Variants in PDIA6 observed in about 807,000 individuals in gnomAD.
PDIA6 encodes the protein protein disulfide-isomerase A6.
Under a neutral mutation model 58.4 loss-of-function variants are expected in PDIA6, and 29 were observed. The observed-to-expected ratio is 0.50, with a 90% CI of 0.37 to 0.68. The LOEUF (loss-of-function observed/expected upper bound fraction) is 0.68. Among genes scored for constraint, PDIA6 ranks in the 30% least tolerant of loss-of-function variants. The probability of loss-of-function intolerance (pLI) is 0.00; values close to 1 mark genes in which losing one functional copy is unlikely to be tolerated. For missense variants in PDIA6, 480 were observed against 551.0 expected (o/e 0.87, Z 1.29); for synonymous variants, 192 against 202.6 (o/e 0.95, Z 0.44).
At chr2:10,793,280 C>T (rs1666120373) in intron 4 of PDIA6, 78 bp from the exon 5 acceptor site, 4 of 894,926 alleles carry the variant, frequency 4.5e-6, no homozygotes, top group South Asian at 2.7e-5. Flanking sequence ...AAGACTGTGT[C>T]TTTACCTCAC....
At chr2:10,787,494 C>A in intron 10 of PDIA6, 55 bp from the exon 11 acceptor site, 2 of 1,505,226 alleles carry the variant, frequency 1.3e-6, no homozygotes, top group Non-Finnish European at 1.8e-6. Context: ...TGCTTACGAT[C>A]TAACTAGAAG....
intron 1 of PDIA6, among the ~76,000 whole-genome samples, chr2:10,829,014 A>G (rs1230924496): frequency 3.3e-5 from 5 of 152,152 alleles, no homozygotes; most frequent in African/African-American, 9.7e-5. Context: ...TCAGTGACCC[A>G]GGTCACCCTC....
At position 10,788,723 on chromosome 2, in the gene PDIA6, T is replaced by C. The variant is rs1310235886; in HGVS notation, c.972A>G (p.Ala324=). The change falls in exon 10 of 13, where the codon GCA becomes GCG. Residue 324 remains alanine (A), a synonymous_variant. Transcript: ENST00000272227. ...CCCACATTTTCTTTTTGTATTTGTC[T>C]GCCAACTTCAGAAGAACTTCCAGAT... ...NSYLEVLLKL[A]DKYKKKMWGW... 6.2e-7 allele frequency: 1 copy of C among 1,613,498 alleles called. No individual in the cohort carries two copies. Among genetic ancestry groups the C allele is most frequent in the African/African-American group, 1.3e-5 (1 of 75,060 alleles).
chr2:10,805,261 A>G (rs1371441255), intron 1 of PDIA6, among the ~76,000 whole-genome samples: 3 of 135,948 alleles, frequency 2.2e-5, no homozygotes, highest in Non-Finnish European at 4.8e-5. Context: ...ACATGAACAG[A>G]CACTTCTCAA....
intron 11 of PDIA6, among the ~76,000 whole-genome samples, chr2:10,786,993 T>C (rs1665794696): frequency 6.6e-6 from 1 of 152,072 alleles, no homozygotes; most frequent in African/African-American, 2.4e-5. Context: ...ATGAGACCTT[T>C]ATGAGAATGA....
intron 1 of PDIA6, among the ~76,000 whole-genome samples, chr2:10,825,977 T>C (rs1335742873): frequency 1.3e-5 from 2 of 152,210 alleles, no homozygotes; most frequent in Non-Finnish European, 2.9e-5. Flanking sequence ...CCTAGGCATC[T>C]ACCCAAGAAA....
At chr2:10,833,852 G>A (rs536968994), upstream of PDIA6, among the ~76,000 whole-genome samples, 2 of 152,330 alleles carry the variant, frequency 1.3e-5, no homozygotes, top group Non-Finnish European at 2.9e-5. Flanking sequence ...CTTGGAGCTC[G>A]AGGTGCCAAG....
chr2:10,792,235 T>G (rs1053525168), intron 5 of PDIA6, among the ~76,000 whole-genome samples: 1 of 152,246 alleles, frequency 6.6e-6, no homozygotes, highest in Admixed American at 6.5e-5. Context: ...TGAACAACAC[T>G]GTTCTAATTC....
chr2:10,789,715 G>A, intron 8 of PDIA6, 34 bp downstream of exon 8: 1 of 1,604,350 alleles, frequency 6.2e-7, no homozygotes, highest in Non-Finnish European at 8.5e-7. Context: ...AGCTAAAAAA[G>A]CTTTCTGGAC....
chr2:10,830,692 G>C (rs1003551487), intron 1 of PDIA6, among the ~76,000 whole-genome samples: 2 of 152,240 alleles, frequency 1.3e-5, no homozygotes, highest in African/African-American at 4.8e-5. Flanking sequence ...CAAGGAAATA[G>C]GGAGAATGTG....
At chr2:10,790,212 C>G (rs1304206828) in intron 7 of PDIA6, among the ~76,000 whole-genome samples, 1 of 151,842 alleles carries the variant, frequency 6.6e-6, no homozygotes, top group African/African-American at 2.4e-5. Context: ...ATCCTGGCCT[C>G]AAGTGATCCT....
At chr2:10,815,030 C>A (rs115945779), upstream of PDIA6, among the ~76,000 whole-genome samples, 1 of 152,172 alleles carries the variant, frequency 6.6e-6, no homozygotes, top group Admixed American at 6.5e-5. Flanking sequence ...GGGCTGAATG[C>A]GCAGCTGCAC....
intron 11 of PDIA6, among the ~76,000 whole-genome samples, chr2:10,786,792 G>GCTCTGTATATTGGTTTTAGAACCTAT (rs1665783079): frequency 6.6e-6 from 1 of 152,220 alleles, no homozygotes; most frequent in Non-Finnish European, 1.5e-5. Context: ...AGAGTAGACA[G>GCTCTGTATATTGGTTTTAGAACCTAT]CTCTGTATAT....
chr2:10,798,429 A>T (rs928668956), intron 2 of PDIA6, among the ~76,000 whole-genome samples: 2 of 151,518 alleles, frequency 1.3e-5, no homozygotes, highest in South Asian at 4.2e-4. Flanking sequence ...TTAGCTGGGC[A>T]TGGTGGCACA....
intron 11 of PDIA6, among the ~76,000 whole-genome samples, chr2:10,786,318 T>TC (rs1665751931): frequency 7.3e-6 from 1 of 136,800 alleles, no homozygotes; most frequent in Non-Finnish European, 1.6e-5. Context: ...GTCTCGGGGG[T>TC]GGGGGGGAAA....
At chr2:10,806,929 G>A (rs1394846835) in intron 1 of PDIA6, among the ~76,000 whole-genome samples, 2 of 152,148 alleles carry the variant, frequency 1.3e-5, no homozygotes, top group Non-Finnish European at 2.9e-5. Flanking sequence ...AGTAAGTTAT[G>A]CCATCTAGGT....
At chr2:10,796,566 G>C (rs1047434916) in intron 4 of PDIA6, among the ~76,000 whole-genome samples, 2 of 151,868 alleles carry the variant, frequency 1.3e-5, no homozygotes, top group Non-Finnish European at 2.9e-5. Flanking sequence ...GTCTTGGGAG[G>C]GTGAAACCTG....
chr2:10,816,637 C>T (rs1667205690), upstream of PDIA6, among the ~76,000 whole-genome samples: 2 of 151,280 alleles, frequency 1.3e-5, no homozygotes, highest in Admixed American at 6.6e-5. Context: ...TGCGATTGGA[C>T]TCAAGTCATG....
At chr2:10,794,310 G>A (rs895213793) in intron 4 of PDIA6, among the ~76,000 whole-genome samples, 3 of 151,932 alleles carry the variant, frequency 2.0e-5, no homozygotes, top group African/African-American at 7.3e-5. Context: ...GCTGGGCGTG[G>A]TGGTGGACAT....
Sources: gnomAD v4.1 joint callset for allele counts (sites outside exome capture counted in the v4.1 genomes callset) on GRCh38, gnomAD v4.1.1 for gene constraint, MANE v1.5 for transcripts, NCBI Gene and HGNC (gene_info 2026-07-23, HGNC 2026-07-21) for gene names.